Variants in RBFOX1 observed in about 807,000 individuals in gnomAD.
RBFOX1 encodes RNA binding protein fox-1 homolog 1.
A neutral mutation model predicts 57.7 loss-of-function variants in RBFOX1; 8 were observed. The observed-to-expected ratio is 0.14, with a 90% CI of 0.08 to 0.25. The LOEUF (loss-of-function observed/expected upper bound fraction) is 0.25. Among genes scored for constraint, RBFOX1 ranks in the 10% least tolerant of loss-of-function variants. The probability of loss-of-function intolerance (pLI) is 1.00; values close to 1 mark genes in which losing one functional copy is unlikely to be tolerated. For synonymous variants in RBFOX1, 326 were observed against 222.4 expected (o/e 1.47, Z -4.15); for missense variants, 611 against 548.5 (o/e 1.11, Z -1.14).
chr16:6,280,682 A>T (rs148109813), intron 1 of RBFOX1, among the ~76,000 whole-genome samples: 28 of 152,042 alleles, frequency 1.8e-4, no homozygotes, highest in Non-Finnish European at 3.7e-4. Flanking sequence ...AAATTATATA[A>T]CCAAAATTCA....
chr16:6,393,244 T>C (rs1266641071), intron 2 of RBFOX1, among the ~76,000 whole-genome samples: 1 of 152,258 alleles, frequency 6.6e-6, no homozygotes, highest in Non-Finnish European at 1.5e-5. Context: ...TAAATGACTC[T>C]GAGCATCCAG....
intron 2 of RBFOX1, among the ~76,000 whole-genome samples, chr16:6,545,604 C>T (rs1487319806): frequency 6.6e-6 from 1 of 152,202 alleles, no homozygotes; most frequent in Non-Finnish European, 1.5e-5. Context: ...CTACTCTCCA[C>T]CCCAAAGATC....
chr16:7,456,551 G>A (rs1295035023), intron 4 of RBFOX1, among the ~76,000 whole-genome samples: 3 of 152,206 alleles, frequency 2.0e-5, no homozygotes, highest in Admixed American at 6.5e-5. Context: ...CAAAATCTTC[G>A]TGTAATTTGG....
At chr16:5,800,584 C>G (rs982043663) in intron 3 of RBFOX1, among the ~76,000 whole-genome samples, 3 of 152,006 alleles carry the variant, frequency 2.0e-5, no homozygotes, top group Non-Finnish European at 2.9e-5. Context: ...AATTGGAGGA[C>G]ACGGGATGGT....
intron 3 of RBFOX1, among the ~76,000 whole-genome samples, chr16:5,617,321 A>G (rs905758370): frequency 6.6e-6 from 1 of 152,118 alleles, no homozygotes; most frequent in Non-Finnish European, 1.5e-5. Flanking sequence ...GCCTGTGAGC[A>G]CTTATTCCTG....
At position 5,268,891 on chromosome 16, in the gene RBFOX1, C is replaced by T. The variant is rs549027918; in HGVS notation, c.219+28786C>T. Among the ~76,000 whole-genome samples, 27 of 151,856 alleles carry T rather than the reference C, an allele frequency of 1.8e-4. No homozygotes were observed. The East Asian group carries it at 4.9e-3, about 27-fold the overall frequency. On this transcript the variant is annotated intron_variant, in intron 1 of 2. Coordinates refer to the RBFOX1 transcript ENST00000585867. Reference sequence around the variant, plus strand: ...TATGAAGGTTCTAGTTTCTCTGCATCCTAACCAACACTTGTTATTTTCTCT... The same window carrying T: ...TATGAAGGTTCTAGTTTCTCTGCATTCTAACCAACACTTGTTATTTTCTCT...
intron 2 of RBFOX1, among the ~76,000 whole-genome samples, chr16:5,592,969 A>G (rs2047059367): frequency 6.6e-6 from 1 of 152,204 alleles, no homozygotes; most frequent in African/African-American, 2.4e-5. Flanking sequence ...ACTGAGACCT[A>G]CTGAGCTGTG....
chr16:5,730,835 C>G (rs550219234), intron 3 of RBFOX1, among the ~76,000 whole-genome samples: 1 of 152,140 alleles, frequency 6.6e-6, no homozygotes, highest in Non-Finnish European at 1.5e-5. Flanking sequence ...CCACCATTAT[C>G]ATCATCATTG....
chr16:6,859,119 A>ATATATATATATACG (rs2058442693), intron 3 of RBFOX1, among the ~76,000 whole-genome samples: 1 of 82,212 alleles, frequency 1.2e-5, no homozygotes, highest in African/African-American at 8.6e-5. Context: ...GTGTATATAT[A>ATATATATATATACG]TATATATATA....
At chr16:7,312,518 A>G (rs944254699) in intron 4 of RBFOX1, among the ~76,000 whole-genome samples, 1 of 152,196 alleles carries the variant, frequency 6.6e-6, no homozygotes, top group Non-Finnish European at 1.5e-5. Context: ...ATGGCCTGCC[A>G]AGGACACAGA....
chr16:7,690,415 T>G (rs977826184), intron 14 of RBFOX1, among the ~76,000 whole-genome samples: 1 of 152,056 alleles, frequency 6.6e-6, no homozygotes, highest in Non-Finnish European at 1.5e-5. Context: ...AACCAGAAAT[T>G]TTTAGAAGTG....
Position 7,415,423 on chromosome 16 carries a change from C to G in RBFOX1, c.28-102724C>G, listed in dbSNP as rs2098469007. Among the ~76,000 whole-genome samples the G allele has an allele frequency of 2.0e-5, 3 of 152,258 alleles. No individual in the cohort carries two copies. The South Asian group carries it at 6.2e-4, about 32-fold the overall frequency. ...GTTTGTGGTCATGATGAACTTCAAG[C>G]TCATGTAAGAGATTACTGAATTTCC... On this transcript the variant is annotated intron_variant, in intron 4 of 15. Transcript: ENST00000550418.
chr16:6,642,903 T>C (rs2098504072), intron 2 of RBFOX1, among the ~76,000 whole-genome samples: 1 of 152,132 alleles, frequency 6.6e-6, no homozygotes, highest in Non-Finnish European at 1.5e-5. Flanking sequence ...GTTGAAGTGA[T>C]TTGTGTTGAG....
chr16:6,672,548 A>T (rs1276501347), intron 3 of RBFOX1, among the ~76,000 whole-genome samples: 1 of 141,780 alleles, frequency 7.1e-6, no homozygotes, highest in Non-Finnish European at 1.5e-5. Flanking sequence ...CAGGAGAAAG[A>T]AAAGAAAAGA....
chr16:5,949,604 G>C (rs569033919), intron 4 of RBFOX1, among the ~76,000 whole-genome samples: 69 of 151,206 alleles, frequency 4.6e-4, no homozygotes, highest in African/African-American at 1.6e-3. Flanking sequence ...AATGTCTCGA[G>C]TCTTTTGTGT....
chr16:6,150,150 A>C (rs969241398), intron 1 of RBFOX1, among the ~76,000 whole-genome samples: 2 of 152,200 alleles, frequency 1.3e-5, no homozygotes, highest in South Asian at 2.1e-4. Flanking sequence ...TAGAGCTCAC[A>C]GCTGAGGCTG....
At chr16:6,806,091 A>C (rs1398108385) in intron 3 of RBFOX1, among the ~76,000 whole-genome samples, 17 of 152,206 alleles carry the variant, frequency 1.1e-4, no homozygotes, top group Admixed American at 1.1e-3. Context: ...GTTCACAAAG[A>C]TGATTCATCC....
intron 3 of RBFOX1, among the ~76,000 whole-genome samples, chr16:6,828,394 C>T (rs1313576019): frequency 1.3e-5 from 2 of 151,944 alleles, no homozygotes; most frequent in African/African-American, 4.8e-5. Context: ...CATGGTGACA[C>T]AGGCCTTTAG....
At chr16:6,546,333 ATTAG>A (rs1329015734) in intron 2 of RBFOX1, among the ~76,000 whole-genome samples, 2 of 152,196 alleles carry the variant, frequency 1.3e-5, no homozygotes, top group Admixed American at 6.5e-5. Context: ...AAGATAGGGT[ATTAG>A]TTAGTATCAC....
Sources: allele counts gnomAD v4.1 joint callset (sites outside exome capture counted in the v4.1 genomes callset), GRCh38; gene constraint gnomAD v4.1.1; transcripts MANE v1.5; gene names NCBI Gene and HGNC (gene_info 2026-07-23, HGNC 2026-07-21).